The following AGBL4 variants were observed in gnomAD, a reference collection of about 807,000 sequenced individuals.
The protein encoded by AGBL4 is AGBL carboxypeptidase 4.
AGBL4 carries 58 observed loss-of-function variants against 66.4 expected under a neutral mutation model. That is an observed-to-expected ratio of 0.87 (90% CI 0.71 to 1.09). The LOEUF (loss-of-function observed/expected upper bound fraction) is 1.09. Among genes scored for constraint, AGBL4 ranks in the 50% least tolerant of loss-of-function variants. AGBL4 has a pLI of 0.00. For missense variants in AGBL4, 579 were observed against 631.0 expected, an observed-to-expected ratio of 0.92 and a Z score of 0.88; for synonymous variants, 234 against 222.9, an observed-to-expected ratio of 1.05 and a Z score of -0.44.
chr1:48,553,711 G>T (rs556176712), intron 11 of AGBL4, among the ~76,000 whole-genome samples: 1 of 152,150 alleles, frequency 6.6e-6, no homozygotes, highest in East Asian at 1.9e-4. Context: ...AAAAAAATCA[G>T]CATCTTCTAA....
At chr1:49,611,767 C>T (rs1645159922) in intron 3 of AGBL4, among the ~76,000 whole-genome samples, 1 of 152,108 alleles carries the variant, frequency 6.6e-6, no homozygotes, top group South Asian at 2.1e-4. Context: ...GTCAATGAAT[C>T]TGAATAAGGA....
chr1:49,577,917 A>T (rs1196475246), intron 3 of AGBL4, among the ~76,000 whole-genome samples: 4 of 152,132 alleles, frequency 2.6e-5, no homozygotes, highest in Non-Finnish European at 5.9e-5. Flanking sequence ...TCTCTCCCAT[A>T]GTTGGGATTC....
At chr1:49,758,712 CT>C (rs34268542) in intron 2 of AGBL4, among the ~76,000 whole-genome samples, 69 of 147,374 alleles carry the variant, frequency 4.7e-4, no homozygotes, top group African/African-American at 6.0e-4. Flanking sequence ...CTGTAACTAG[CT>C]TTTTTTTTTT....
At chr1:49,156,455 G>A (rs563106260) in intron 4 of AGBL4, among the ~76,000 whole-genome samples, 1 of 152,180 alleles carries the variant, frequency 6.6e-6, no homozygotes, top group Admixed American at 6.5e-5. Context: ...GAATCTGGGA[G>A]TAAATTAGCT....
chr1:49,351,797 C>G (rs1643914328), intron 3 of AGBL4, among the ~76,000 whole-genome samples: 1 of 152,142 alleles, frequency 6.6e-6, no homozygotes, highest in South Asian at 2.1e-4. Context: ...CTATGTGATT[C>G]TGGCCAAGTT....
At chr1:48,574,541 T>TC (rs1289879452) in intron 11 of AGBL4, among the ~76,000 whole-genome samples, 1 of 151,496 alleles carries the variant, frequency 6.6e-6, no homozygotes, top group Non-Finnish European at 1.5e-5. Flanking sequence ...TCTTTTCTTT[T>TC]TTTTTTTTTT....
chr1:49,892,464 C>T (rs951050930), intron 1 of AGBL4, among the ~76,000 whole-genome samples: 2 of 152,148 alleles, frequency 1.3e-5, no homozygotes, highest in African/African-American at 4.8e-5. Context: ...CAAATTATTG[C>T]ATCCCATTTG....
intron 2 of AGBL4, among the ~76,000 whole-genome samples, chr1:49,816,801 A>C (rs775901248): frequency 5.9e-5 from 9 of 152,224 alleles, no homozygotes; most frequent in Non-Finnish European, 1.0e-4. Flanking sequence ...GCTCATAGAC[A>C]TTATGCTGTG....
intron 6 of AGBL4, chr1:48,776,502 G>A (rs1645091932): frequency 2.4e-6 from 2 of 846,888 alleles, no homozygotes; most frequent in South Asian, 2.2e-5. Context: ...GCAGGAAGGA[G>A]CAAGCAGTGG....
chr1:48,801,835 C>T lies in AGBL4; in HGVS notation c.634+65356G>A, dbSNP rs539254522. ...ACAGTGTGAGTCTCCACATGCTGTT[C>T]TGGCCGGGAGCTGCACGTTTGTTAG... On this transcript the variant is annotated intron_variant, in intron 6 of 13. Transcript: ENST00000371839. Among the ~76,000 whole-genome samples, 16 of 151,936 alleles carry T rather than the reference C, an allele frequency of 1.1e-4. No homozygotes were observed. The South Asian group carries it at 3.1e-3, about 30-fold the overall frequency.
At chr1:48,644,333 C>T (rs894282220) in intron 8 of AGBL4, among the ~76,000 whole-genome samples, 1 of 151,904 alleles carries the variant, frequency 6.6e-6, no homozygotes. Flanking sequence ...CTCTGACTTT[C>T]CCTATCCCAA....
chr1:49,112,624 A>C lies in AGBL4; in HGVS notation c.378-66824T>G, dbSNP rs185172745. 1.6e-3 allele frequency among the ~76,000 whole-genome samples: 241 copies of C among 152,360 alleles called. 4 individuals are homozygous for C. The highest frequency in any genetic ancestry group is 5.6e-3 in the African/African-American group (234 of 41,580). On this transcript the variant is annotated intron_variant, in intron 4 of 13. Transcript: ENST00000371839. The stretch of plus-strand genomic sequence containing the variant: ...TTTAATAACGAAGGTTAGAATATCA[A>C]AAGTAGCTTTGATGTGATTTCAAAA...
At chr1:48,618,987 TG>T (rs1186998281) in intron 9 of AGBL4, among the ~76,000 whole-genome samples, 1 of 151,182 alleles carries the variant, frequency 6.6e-6, no homozygotes, top group Non-Finnish European at 1.5e-5. Context: ...CTTTCTAGGT[TG>T]GCTGCTTCCA....
In AGBL4 at chr1:49,095,232, T is replaced by G. The variant is rs149260464; in HGVS notation, c.378-49432A>C. On this transcript the variant is annotated intron_variant, in intron 4 of 13. Transcript: ENST00000371839. ...ATTCCATGCTCATGGGTAGGAAGAA[T>G]CAATATTATGCAAATGACCATACTG... 2.0e-4 allele frequency among the ~76,000 whole-genome samples: 30 copies of G among 152,264 alleles called. No individual in the cohort carries two copies. The East Asian group carries it at 5.8e-3, about 29-fold the overall frequency.
rs552044542 is a variant in AGBL4 at position 49,505,533 on chromosome 1, A to G, written c.282+191780T>C. Among the ~76,000 whole-genome samples, 24 of 151,746 alleles carry G rather than the reference A, an allele frequency of 1.6e-4. No individual in the cohort carries two copies. In the South Asian group the frequency reaches 4.8e-3, roughly 30 times the overall value. ...GCTGTCAGGTTTTTTTGTCCTTCAG[A>G]CCTTTGAATATATCATCCTACTCTT... is the stretch of plus-strand genomic sequence containing the variant. On this transcript the variant is annotated intron_variant, in intron 3 of 13. Transcript: ENST00000371839.
chr1:49,543,040 G>T lies in AGBL4; in HGVS notation c.282+154273C>A, dbSNP rs528393443. On this transcript the variant is annotated intron_variant, in intron 3 of 13. Coordinates refer to ENST00000371839, the MANE Select transcript of AGBL4 (RefSeq NM_032785.4). ...AAGACCTCCTTCCAAGGGCCACTAGGTGACAATAACAAGGAGAGAAAGTAA... is the reference window on the plus strand; with the variant it reads ...AAGACCTCCTTCCAAGGGCCACTAGTTGACAATAACAAGGAGAGAAAGTAA... Among the ~76,000 whole-genome samples the T allele has an allele frequency of 2.0e-5, 3 of 151,598 alleles. No individual in the cohort carries two copies. The South Asian group carries it at 6.3e-4, about 32-fold the overall frequency.
At chr1:49,598,402 G>T (rs993354018) in intron 3 of AGBL4, among the ~76,000 whole-genome samples, 1 of 152,162 alleles carries the variant, frequency 6.6e-6, no homozygotes, top group African/African-American at 2.4e-5. Context: ...TGGTGTGGAT[G>T]TCCTTTCTAT....
intron 3 of AGBL4, among the ~76,000 whole-genome samples, chr1:49,643,230 T>G (rs937481752): frequency 6.6e-6 from 1 of 151,790 alleles, no homozygotes; most frequent in Non-Finnish European, 1.5e-5. Flanking sequence ...AAAGCCATAT[T>G]AAACACTGCT....
chr1:49,923,890 A>G (rs1276403965), intron 1 of AGBL4, among the ~76,000 whole-genome samples: 2 of 152,218 alleles, frequency 1.3e-5, no homozygotes, highest in Admixed American at 1.3e-4. Flanking sequence ...TAGTTCAACC[A>G]TTGTAGAAGA....
Sources: allele counts gnomAD v4.1 joint callset (sites outside exome capture counted in the v4.1 genomes callset), GRCh38; gene constraint gnomAD v4.1.1; transcripts MANE v1.5; gene names NCBI Gene and HGNC (gene_info 2026-07-23, HGNC 2026-07-21).